Variants in RBFOX1 observed in about 807,000 individuals in gnomAD.
RBFOX1 encodes the protein RNA binding fox-1 homolog 1, also known as RNA binding protein fox-1 homolog 1.
RBFOX1 carries 8 observed loss-of-function variants against 57.7 expected under a neutral mutation model. That is an observed-to-expected ratio of 0.14 (90% CI 0.08 to 0.25). RBFOX1 has a LOEUF of 0.25. Ranked by LOEUF, RBFOX1 falls within the 10% of genes least tolerant of loss-of-function variation. RBFOX1 has a pLI of 1.00. For synonymous variants in RBFOX1, 326 were observed against 222.4 expected, an observed-to-expected ratio of 1.47 and a Z score of -4.15; for missense variants, 611 against 548.5, an observed-to-expected ratio of 1.11 and a Z score of -1.14.
At chr16:7,260,328 C>T (rs1351375919) in intron 4 of RBFOX1, among the ~76,000 whole-genome samples, 1 of 152,170 alleles carries the variant, frequency 6.6e-6, no homozygotes, top group Admixed American at 6.5e-5. Flanking sequence ...TGAAATAATA[C>T]AGTGTGTGTT....
At chr16:5,366,238 T>C in intron 1 of RBFOX1, 1 of 413,106 alleles carries the variant, frequency 2.4e-6, no homozygotes, top group Non-Finnish European at 4.7e-6. Context: ...GGTGGTAGCA[T>C]GGTTCCACAG....
chr16:6,133,038 A>AT (rs34134690), intron 1 of RBFOX1, among the ~76,000 whole-genome samples: 53 of 146,522 alleles, frequency 3.6e-4, no homozygotes, highest in East Asian at 8.0e-4. Flanking sequence ...ATGTTGTGTA[A>AT]TTTTTTTTTT....
intron 3 of RBFOX1, among the ~76,000 whole-genome samples, chr16:5,856,275 A>ATATG (rs2057051749): frequency 3.2e-5 from 1 of 31,614 alleles, no homozygotes; most frequent in African/African-American, 1.0e-4. Flanking sequence ...ATATATATAC[A>ATATG]CATATATATA....
intron 3 of RBFOX1, among the ~76,000 whole-genome samples, chr16:6,723,596 C>T (rs2066482370): frequency 6.6e-6 from 1 of 152,110 alleles, no homozygotes; most frequent in Non-Finnish European, 1.5e-5. Flanking sequence ...TAGGGGATAT[C>T]TTGAGTGAGC....
At chr16:6,422,769 A>G (rs1256652441) in intron 2 of RBFOX1, among the ~76,000 whole-genome samples, 2 of 152,104 alleles carry the variant, frequency 1.3e-5, no homozygotes, top group African/African-American at 4.8e-5. Context: ...CATTCCTGAT[A>G]AATCCACCGC....
chr16:5,346,319 C>T (rs1250465843), intron 1 of RBFOX1, among the ~76,000 whole-genome samples: 1 of 152,194 alleles, frequency 6.6e-6, no homozygotes, highest in East Asian at 1.9e-4. Flanking sequence ...GGCACATCTT[C>T]AGCACTCAGA....
intron 2 of RBFOX1, among the ~76,000 whole-genome samples, chr16:6,471,752 C>T (rs1225730292): frequency 1.3e-5 from 2 of 152,070 alleles, no homozygotes; most frequent in African/African-American, 2.4e-5. Context: ...TTCTTCAAGG[C>T]AAAGGGATCT....
intron 4 of RBFOX1, among the ~76,000 whole-genome samples, chr16:5,970,029 G>C (rs2072623040): frequency 6.6e-6 from 1 of 152,062 alleles, no homozygotes; most frequent in African/African-American, 2.4e-5. Flanking sequence ...TCCTAGTTCA[G>C]CTGCTGTCTT....
chr16:5,969,824 G>T (rs141754426), intron 4 of RBFOX1, among the ~76,000 whole-genome samples: 3,344 of 151,118 alleles, frequency 0.022, 66 homozygotes, highest in Middle Eastern at 0.12. Context: ...TTCTTTTGCT[G>T]CTGACTTCCA....
intron 12 of RBFOX1, among the ~76,000 whole-genome samples, chr16:7,660,654 G>C (rs1597493616): frequency 6.6e-6 from 1 of 152,190 alleles, no homozygotes; most frequent in East Asian, 1.9e-4. Flanking sequence ...GGATGGTGTT[G>C]CATAGAGCTA....
rs76489807 is a variant in RBFOX1, at chr16:7,399,791, C to G, written c.28-118356C>G. On this transcript the variant is annotated intron_variant, in intron 4 of 15. Transcript: ENST00000550418. ...CCCTCTTCCCAAATAAGGTCATAGTCACAGGCACGAGGGGTTAAGACTTAG... is the reference window on the plus strand; with the variant it reads ...CCCTCTTCCCAAATAAGGTCATAGTGACAGGCACGAGGGGTTAAGACTTAG... 8.8e-3 allele frequency among the ~76,000 whole-genome samples: 1,334 copies of G among 152,270 alleles called. 62 individuals carry two copies. In the East Asian group the frequency reaches 0.09, roughly 10 times the overall value.
intron 4 of RBFOX1, among the ~76,000 whole-genome samples, chr16:7,366,078 C>A (rs1435177728): frequency 6.6e-6 from 1 of 152,160 alleles, no homozygotes; most frequent in East Asian, 1.9e-4. Flanking sequence ...CATCACTGAG[C>A]CAATCAGCTA....
At chr16:6,113,607 G>GTGAAGTCA (rs371997688) in intron 1 of RBFOX1, among the ~76,000 whole-genome samples, 11 of 152,124 alleles carry the variant, frequency 7.2e-5, no homozygotes, top group African/African-American at 2.4e-4. Context: ...TATTGAAGCC[G>GTGAAGTCA]TGAAGTCATG....
chr16:7,282,309 C>G (rs1348262068), intron 4 of RBFOX1, among the ~76,000 whole-genome samples: 1 of 152,170 alleles, frequency 6.6e-6, no homozygotes, highest in Non-Finnish European at 1.5e-5. Context: ...CTGGATGCCA[C>G]AGTTACTTGT....
rs1367402218 is a variant in RBFOX1, at chr16:6,439,849, A to T, written c.-64+122792A>T. ...AGCATCCGACCCAGGGATGCAGCTC[A>T]GATGGGATGCAGAAAGCTGGGCCAA... On this transcript the variant is annotated intron_variant, in intron 2 of 15. Coordinates refer to ENST00000550418, the MANE Select transcript of RBFOX1 (RefSeq NM_018723.4). 9.2e-5 allele frequency among the ~76,000 whole-genome samples: 14 copies of T among 152,188 alleles called. 1 individual carries two copies.
intron 3 of RBFOX1, among the ~76,000 whole-genome samples, chr16:7,031,912 C>T (rs926425446): frequency 9.9e-5 from 15 of 152,224 alleles, no homozygotes; most frequent in East Asian, 3.9e-4. Flanking sequence ...AGTATAATTA[C>T]GGAGGCCCTG....
At chr16:6,260,067 G>C (rs1428927517) in intron 1 of RBFOX1, among the ~76,000 whole-genome samples, 1 of 151,932 alleles carries the variant, frequency 6.6e-6, no homozygotes, top group African/African-American at 2.4e-5. Flanking sequence ...TGGCATTTGA[G>C]TTTTCGAATT....
At chr16:6,530,788 C>T (rs1030829087) in intron 2 of RBFOX1, among the ~76,000 whole-genome samples, 1 of 149,308 alleles carries the variant, frequency 6.7e-6, no homozygotes, top group African/African-American at 2.4e-5. Context: ...TATTCACTAT[C>T]ACTAAAACAG....
chr16:7,068,210 C>T (rs1346094831), intron 4 of RBFOX1, among the ~76,000 whole-genome samples: 1 of 152,060 alleles, frequency 6.6e-6, no homozygotes, highest in Non-Finnish European at 1.5e-5. Flanking sequence ...CCATAGCATA[C>T]ATAGATCTAA....
Sources: allele counts gnomAD v4.1 joint callset (sites outside exome capture counted in the v4.1 genomes callset), GRCh38; gene constraint gnomAD v4.1.1; transcripts MANE v1.5; gene names NCBI Gene and HGNC (gene_info 2026-07-23, HGNC 2026-07-21).